The following PDE7B variants were observed in gnomAD, a reference collection of about 807,000 sequenced individuals.
PDE7B encodes phosphodiesterase 7B, also known as 3',5'-cyclic-AMP phosphodiesterase 7B.
In PDE7B, 29 loss-of-function variants were observed where a neutral mutation model predicts 56.2. That is an observed-to-expected ratio of 0.52 (90% CI 0.38 to 0.70). The LOEUF (loss-of-function observed/expected upper bound fraction) is 0.70, where lower values mean the gene tolerates loss of function less well. Among genes scored for constraint, PDE7B ranks in the 30% least tolerant of loss-of-function variants. The probability of loss-of-function intolerance (pLI) is 0.00; values close to 1 mark genes in which losing one functional copy is unlikely to be tolerated. For synonymous variants in PDE7B, 197 were observed against 196.9 expected (o/e 1.00, Z 0.00); for missense variants, 490 against 565.0 (o/e 0.87, Z 1.35).
intron 2 of PDE7B, among the ~76,000 whole-genome samples, chr6:135,982,221 A>G (rs2128204339): frequency 6.6e-6 from 1 of 152,316 alleles, no homozygotes; most frequent in Non-Finnish European, 1.5e-5. Flanking sequence ...GAGGGGATGT[A>G]TTATAAGGAC....
intron 2 of PDE7B, among the ~76,000 whole-genome samples, chr6:136,006,779 G>T (rs1775792666): frequency 6.6e-6 from 1 of 152,138 alleles, no homozygotes; most frequent in African/African-American, 2.4e-5. Flanking sequence ...AGATTTTGCT[G>T]AAGTTGTTTA....
intron 3 of PDE7B, chr6:136,112,577 C>T (rs1234985972): frequency 2.6e-5 from 4 of 152,024 alleles, no homozygotes; most frequent in Non-Finnish European, 5.9e-5. Flanking sequence ...GACAAAGCCA[C>T]AAGCACATTC....
intron 2 of PDE7B, among the ~76,000 whole-genome samples, chr6:135,953,510 T>G (rs1468822106): frequency 6.6e-6 from 1 of 152,126 alleles, no homozygotes; most frequent in Non-Finnish European, 1.5e-5. Context: ...TTGTCTACCT[T>G]ATTAGGGCTG....
intron 3 of PDE7B, among the ~76,000 whole-genome samples, chr6:136,132,383 T>G (rs1778132816): frequency 6.6e-6 from 1 of 152,132 alleles, no homozygotes; most frequent in African/African-American, 2.4e-5. Flanking sequence ...CTCCACTCTT[T>G]GCCCTTTCCT....
intron 3 of PDE7B, among the ~76,000 whole-genome samples, chr6:136,146,418 T>A (rs904331586): frequency 1.3e-5 from 2 of 152,222 alleles, no homozygotes; most frequent in Non-Finnish European, 2.9e-5. Flanking sequence ...ACATGTGAAA[T>A]GAGTATTAAA....
At chr6:135,934,912 T>A (rs1246319932) in intron 1 of PDE7B, among the ~76,000 whole-genome samples, 1 of 107,014 alleles carries the variant, frequency 9.3e-6, no homozygotes, top group Non-Finnish European at 1.7e-5. Flanking sequence ...TATATATAAA[T>A]ATTTATTTAA....
At chr6:135,970,638 G>A (rs1282402794) in intron 2 of PDE7B, among the ~76,000 whole-genome samples, 2 of 152,176 alleles carry the variant, frequency 1.3e-5, no homozygotes, top group Non-Finnish European at 2.9e-5. Flanking sequence ...ATAATGGAGA[G>A]TTTAGATTTC....
At chr6:135,888,129 A>G (rs150629023) in intron 1 of PDE7B, among the ~76,000 whole-genome samples, 28 of 152,148 alleles carry the variant, frequency 1.8e-4, no homozygotes, top group Admixed American at 1.7e-3. Flanking sequence ...ATATTATCCC[A>G]CGTAATTGCT....
intron 1 of PDE7B, among the ~76,000 whole-genome samples, chr6:135,944,063 T>G (rs1345521487): frequency 6.6e-6 from 1 of 152,064 alleles, no homozygotes; most frequent in Admixed American, 6.5e-5. Flanking sequence ...AAAGATAGAA[T>G]CCCTAAGGAG....
At chr6:135,898,500 A>C (rs1775941615) in intron 1 of PDE7B, among the ~76,000 whole-genome samples, 1 of 152,198 alleles carries the variant, frequency 6.6e-6, no homozygotes, top group African/African-American at 2.4e-5. Context: ...TATATATGTC[A>C]TTATAGAATA....
intron 2 of PDE7B, among the ~76,000 whole-genome samples, chr6:136,001,363 G>A (rs538715337): frequency 2.6e-5 from 4 of 152,210 alleles, no homozygotes; most frequent in Non-Finnish European, 5.9e-5. Context: ...TGACTTTGAC[G>A]AGTTGAGAGA....
intron 2 of PDE7B, among the ~76,000 whole-genome samples, chr6:136,032,062 T>C (rs1416931575): frequency 6.6e-6 from 1 of 152,224 alleles, no homozygotes; most frequent in Non-Finnish European, 1.5e-5. Flanking sequence ...CATTTGATTC[T>C]GCACACTACA....
At chr6:136,135,425 TAAG>T (rs1473304598) in intron 3 of PDE7B, among the ~76,000 whole-genome samples, 1 of 152,114 alleles carries the variant, frequency 6.6e-6, no homozygotes, top group African/African-American at 2.4e-5. Context: ...CCCTAAATGT[TAAG>T]AAATTTGTTT....
intron 1 of PDE7B, among the ~76,000 whole-genome samples, chr6:135,928,510 TA>T (rs1774238613): frequency 7.5e-6 from 1 of 133,004 alleles, no homozygotes; most frequent in Non-Finnish European, 1.6e-5. Context: ...TTTATATATA[TA>T]TATTTATTTA....
At chr6:135,852,554 A>G (rs1483472946) in intron 1 of PDE7B, among the ~76,000 whole-genome samples, 1 of 152,204 alleles carries the variant, frequency 6.6e-6, no homozygotes, top group African/African-American at 2.4e-5. Context: ...GGTAGAAAAA[A>G]ATCAATAGAA....
At chr6:135,863,966 GACTT>G (rs1225721994) in intron 1 of PDE7B, among the ~76,000 whole-genome samples, 3 of 151,874 alleles carry the variant, frequency 2.0e-5, no homozygotes, top group East Asian at 1.9e-4. Flanking sequence ...CAAACATGCT[GACTT>G]ACTATGTACA....
rs1253224258 is a variant in PDE7B, at chr6:136,191,744, G to A, written c.1257G>A (p.Arg419=). The A allele has an allele frequency of 1.2e-6, 2 of 1,605,992 alleles. No individual in the cohort carries two copies. Among genetic ancestry groups the A allele is most frequent in the South Asian group, 1.1e-5 (1 of 89,800 alleles). ...CCCAGTGGAAGAGCCTGTTGCCCAG[G>A]CAGCACAGAAGCAGGGGCAGCAGTG... is the stretch of plus-strand genomic sequence containing the variant. ...NKAQWKSLLP[R]QHRSRGSSGS... is the part of the protein sequence containing the mutation. The change falls in exon 13 of 13, where the codon AGG becomes AGA. Residue 419 remains arginine, a synonymous_variant. Coordinates refer to ENST00000308191, the MANE Select transcript of PDE7B (RefSeq NM_018945.4).
At chr6:135,981,674 T>C (rs1230449168) in intron 2 of PDE7B, among the ~76,000 whole-genome samples, 1 of 151,024 alleles carries the variant, frequency 6.6e-6, no homozygotes, top group African/African-American at 2.4e-5. Context: ...TCAGGGGCAA[T>C]AACACACATG....
At chr6:136,032,868 C>T (rs568208943) in intron 2 of PDE7B, among the ~76,000 whole-genome samples, 2 of 152,234 alleles carry the variant, frequency 1.3e-5, no homozygotes, top group South Asian at 2.1e-4. Context: ...AAAAAGTTGC[C>T]ATCATACCCA....
Sources: gnomAD v4.1 joint callset for allele counts (sites outside exome capture counted in the v4.1 genomes callset) on GRCh38, gnomAD v4.1.1 for gene constraint, MANE v1.5 for transcripts, NCBI Gene and HGNC (gene_info 2026-07-23, HGNC 2026-07-21) for gene names.